The following ENTREP2 variants were observed in gnomAD, a reference collection of about 807,000 sequenced individuals.
ENTREP2 encodes the protein endosomal transmembrane epsin interactor 2, also known as protein ENTREP2.
the ENTREP2 span, among the ~76,000 whole-genome samples, chr15:29,394,356 G>A: frequency 6.6e-6 from 1 of 152,172 alleles, no homozygotes; most frequent in South Asian, 2.1e-4. Flanking sequence ...TGAACTATGT[G>A]GAGGGAAAGA....
At chr15:29,292,320 T>C in the ENTREP2 span, among the ~76,000 whole-genome samples, 4,284 of 152,148 alleles carry the variant, frequency 0.028, 248 homozygotes, top group African/African-American at 0.098. Flanking sequence ...CTTCAGTACA[T>C]AATTTCATAT....
the ENTREP2 span, among the ~76,000 whole-genome samples, chr15:29,280,925 T>C: frequency 6.6e-6 from 1 of 152,162 alleles, no homozygotes; most frequent in East Asian, 1.9e-4. Flanking sequence ...AGAGAGGTGG[T>C]TGGGAAAGCA....
chr15:29,575,741 T>G, the ENTREP2 span, among the ~76,000 whole-genome samples: 1 of 152,074 alleles, frequency 6.6e-6, no homozygotes, highest in South Asian at 2.1e-4. Context: ...AGGAAAACAA[T>G]AAGACAATTA....
the ENTREP2 span, among the ~76,000 whole-genome samples, chr15:29,661,148 G>C: frequency 6.6e-6 from 1 of 152,154 alleles, no homozygotes; most frequent in Non-Finnish European, 1.5e-5. Flanking sequence ...GAAATTAAAG[G>C]TTCATTTGAA....
chr15:29,140,667 G>A, the ENTREP2 span, among the ~76,000 whole-genome samples: 12 of 152,222 alleles, frequency 7.9e-5, no homozygotes, highest in African/African-American at 2.2e-4. Context: ...CAGGACCAGC[G>A]GAAATGCCTG....
At chr15:29,140,063 C>T in the ENTREP2 span, among the ~76,000 whole-genome samples, 1 of 152,210 alleles carries the variant, frequency 6.6e-6, no homozygotes, top group Admixed American at 6.5e-5. Flanking sequence ...CCCACCTCCT[C>T]CCTTCTGTTC....
the ENTREP2 span, among the ~76,000 whole-genome samples, chr15:29,644,156 A>T: frequency 7.2e-5 from 11 of 152,204 alleles, 1 homozygote; most frequent in South Asian, 1.2e-3. Context: ...CCCTGGAAAC[A>T]GCATGCTAAG....
chr15:29,338,433 A>G, the ENTREP2 span, among the ~76,000 whole-genome samples: 726 of 151,762 alleles, frequency 4.8e-3, 6 homozygotes, highest in African/African-American at 0.017. Context: ...CTCAAAAAAA[A>G]AAAAAAAAGA....
chr15:29,371,323 C>T, the ENTREP2 span, among the ~76,000 whole-genome samples: 1 of 149,874 alleles, frequency 6.7e-6, no homozygotes. Flanking sequence ...AACTGTGCCA[C>T]CCTCCCATAC....
chr15:29,609,197 C>T, the ENTREP2 span, among the ~76,000 whole-genome samples: 1 of 150,008 alleles, frequency 6.7e-6, no homozygotes, highest in Non-Finnish European at 1.5e-5. Context: ...TGCATGGGGA[C>T]TTGGAAAAAC....
chr15:29,284,215 GA>G, the ENTREP2 span, among the ~76,000 whole-genome samples: 1 of 152,120 alleles, frequency 6.6e-6, no homozygotes, highest in Non-Finnish European at 1.5e-5. Context: ...GAATAGGGAG[GA>G]AAATCATATA....
the ENTREP2 span, among the ~76,000 whole-genome samples, chr15:29,129,219 G>A: frequency 1.3e-4 from 19 of 151,276 alleles, no homozygotes; most frequent in Middle Eastern, 3.4e-3. Flanking sequence ...GTCCACCACC[G>A]TGCCCAGCTA....
At chr15:29,294,755 C>G in the ENTREP2 span, among the ~76,000 whole-genome samples, 1 of 152,188 alleles carries the variant, frequency 6.6e-6, no homozygotes, top group African/African-American at 2.4e-5. Context: ...ATTGTGCTTT[C>G]TTTTCCACAA....
the ENTREP2 span, among the ~76,000 whole-genome samples, chr15:29,226,235 C>T: frequency 6.6e-6 from 1 of 152,192 alleles, no homozygotes; most frequent in Non-Finnish European, 1.5e-5. Flanking sequence ...TACCTTAAAA[C>T]ATACCAATTT....
chr15:29,549,140 C>T, the ENTREP2 span, among the ~76,000 whole-genome samples: 1 of 152,180 alleles, frequency 6.6e-6, no homozygotes, highest in Admixed American at 6.5e-5. Context: ...CCTCACTTCC[C>T]TGCTATCCAC....
chr15:29,276,488 G>GAA, the ENTREP2 span, among the ~76,000 whole-genome samples: 3 of 152,166 alleles, frequency 2.0e-5, no homozygotes, highest in African/African-American at 7.2e-5. Flanking sequence ...ATTCAGGCCA[G>GAA]ACACAGTGAC....
the ENTREP2 span, among the ~76,000 whole-genome samples, chr15:29,582,660 AT>A: frequency 1.4e-4 from 21 of 150,984 alleles, no homozygotes; most frequent in South Asian, 2.5e-3. Flanking sequence ...TTATTTTATT[AT>A]TTTTTTTTGA....
chr15:29,406,146 A>T, the ENTREP2 span, among the ~76,000 whole-genome samples: 2 of 152,242 alleles, frequency 1.3e-5, no homozygotes, highest in African/African-American at 4.8e-5. Context: ...GTATTCACTG[A>T]CATCACCTTA....
chr15:29,291,520 T>C, the ENTREP2 span, among the ~76,000 whole-genome samples: 603 of 152,276 alleles, frequency 4.0e-3, 2 homozygotes, highest in Middle Eastern at 6.8e-3. Context: ...TGACTCTAAT[T>C]CCTGAGCCCT....
Sources: allele counts gnomAD v4.1 joint callset (sites outside exome capture counted in the v4.1 genomes callset), GRCh38; gene constraint gnomAD v4.1.1; transcripts MANE v1.5; gene names NCBI Gene and HGNC (gene_info 2026-07-23, HGNC 2026-07-21).